SLC4A5: variants seen among roughly 807,000 people sequenced by gnomAD.
The protein encoded by SLC4A5 is solute carrier family 4 member 5, also known as electrogenic sodium bicarbonate cotransporter 4.
In SLC4A5, 96 loss-of-function variants were observed where a neutral mutation model predicts 120.4. The ratio of observed to expected loss-of-function variants is 0.80; its 90% CI spans 0.68 to 0.94. SLC4A5 has a LOEUF of 0.94. Among genes scored for constraint, SLC4A5 ranks in the 40% least tolerant of loss-of-function variants. The pLI, the probability that SLC4A5 is intolerant of heterozygous loss-of-function variation, is 0.00. For missense variants in SLC4A5, 1,259 were observed against 1,459.5 expected (o/e 0.86, Z 2.24); for synonymous variants, 550 against 571.1 (o/e 0.96, Z 0.53).
At chr2:74,337,172 C>T (rs900969808) in intron 3 of SLC4A5, among the ~76,000 whole-genome samples, 2 of 152,188 alleles carry the variant, frequency 1.3e-5, no homozygotes, top group African/African-American at 4.8e-5. Flanking sequence ...AAAGCAGCAT[C>T]CCTCACAATC....
At chr2:74,239,629 T>G in intron 20 of SLC4A5, 94 bp from the exon 21 acceptor site, 3 of 1,269,664 alleles carry the variant, frequency 2.4e-6, no homozygotes, top group Non-Finnish European at 3.4e-6. Context: ...CCAGCATACC[T>G]TCCCACCCTC....
At chr2:74,304,718 A>G (rs1447362494) in intron 6 of SLC4A5, 38 bp from the exon 7 acceptor site, 1 of 1,567,390 alleles carries the variant, frequency 6.4e-7, no homozygotes, top group Admixed American at 1.9e-5. Context: ...AGGCAGGGTT[A>G]CTGAAAATTG....
chr2:74,310,730 T>C (rs1457585826), intron 6 of SLC4A5, among the ~76,000 whole-genome samples: 3 of 152,198 alleles, frequency 2.0e-5, no homozygotes, highest in East Asian at 3.8e-4. Flanking sequence ...TTTTTGCATA[T>C]ATATTCATAA....
chr2:74,221,305 C>T, intron 30 of SLC4A5, 129 bp downstream of exon 30: 1 of 623,900 alleles, frequency 1.6e-6, no homozygotes, highest in South Asian at 2.3e-5. Context: ...CCTTTGACTC[C>T]CAGTTGGGGG....
At chr2:74,307,839 C>A in intron 6 of SLC4A5, 2 of 484,156 alleles carry the variant, frequency 4.1e-6, no homozygotes, top group South Asian at 3.4e-5. Context: ...AGACCCCATG[C>A]CACCCTGGAA....
In SLC4A5 at chr2:74,321,226, C is replaced by T. The variant is rs114558370; in HGVS notation, c.-2-6201G>A. On this transcript the variant is annotated intron_variant, in intron 5 of 30. Transcript: ENST00000394019. ...ATGCCCATTCCCCTTTCTGCTCTGACTTTCTGACTTCTGCTCCAGCCACAG... is the reference window on the plus strand; with the variant it reads ...ATGCCCATTCCCCTTTCTGCTCTGATTTTCTGACTTCTGCTCCAGCCACAG... Among the ~76,000 whole-genome samples, 975 of 152,300 alleles carry T rather than the reference C, an allele frequency of 6.4e-3. 16 individuals carry two copies. The highest frequency in any genetic ancestry group is 0.021 in the African/African-American group (858 of 41,554).
intron 12 of SLC4A5, among the ~76,000 whole-genome samples, chr2:74,257,952 T>C (rs1671021754): frequency 6.6e-6 from 1 of 152,186 alleles, no homozygotes; most frequent in African/African-American, 2.4e-5. Flanking sequence ...CGTTGTGACA[T>C]GTTTGGTAAG....
chr2:74,274,858 G>T (rs1321552840), intron 8 of SLC4A5, among the ~76,000 whole-genome samples: 1 of 152,180 alleles, frequency 6.6e-6, no homozygotes, highest in Non-Finnish European at 1.5e-5. Flanking sequence ...TCACCAAAAA[G>T]TTGCTGAATA....
intron 7 of SLC4A5, among the ~76,000 whole-genome samples, chr2:74,287,315 T>C (rs1672015243): frequency 6.6e-6 from 1 of 152,068 alleles, no homozygotes; most frequent in Non-Finnish European, 1.5e-5. Flanking sequence ...GGCTGGGGGA[T>C]GGCTGGGGTG....
chr2:74,295,627 CCTT>C (rs897288780), intron 7 of SLC4A5, among the ~76,000 whole-genome samples: 1 of 151,960 alleles, frequency 6.6e-6, no homozygotes, highest in African/African-American at 2.4e-5. Context: ...GAGGGAGACT[CCTT>C]CTCAAAAACA....
chr2:74,257,134 C>T (rs1670992326), intron 12 of SLC4A5, among the ~76,000 whole-genome samples: 1 of 152,106 alleles, frequency 6.6e-6, no homozygotes, highest in South Asian at 2.1e-4. Context: ...ACAGCTGTTT[C>T]CCAATTCGAC....
At chr2:74,307,020 A>T (rs1672664834) in intron 6 of SLC4A5, 33 of 586,392 alleles carry the variant, frequency 5.6e-5, no homozygotes, top group South Asian at 5.1e-4. Flanking sequence ...CTCCATCTGC[A>T]GGGTGTAGTG....
At chr2:74,283,776 T>G (rs533200248) in intron 8 of SLC4A5, among the ~76,000 whole-genome samples, 21 of 152,160 alleles carry the variant, frequency 1.4e-4, no homozygotes, top group Admixed American at 3.9e-4. Context: ...AGTGAAAATA[T>G]TTTAGATATT....
chr2:74,302,612 GTCT>G (rs1672506953), intron 7 of SLC4A5, among the ~76,000 whole-genome samples: 1 of 152,188 alleles, frequency 6.6e-6, no homozygotes, highest in Non-Finnish European at 1.5e-5. Context: ...ATGAGACTGC[GTCT>G]CAAAAATATA....
chr2:74,302,595 C>T (rs1281076988), intron 7 of SLC4A5, among the ~76,000 whole-genome samples: 1 of 152,192 alleles, frequency 6.6e-6, no homozygotes, highest in Non-Finnish European at 1.5e-5. Context: ...CTAGCCTGGG[C>T]AACAGAATGA....
At chr2:74,309,709 G>A (rs182637951) in intron 6 of SLC4A5, among the ~76,000 whole-genome samples, 214 of 149,600 alleles carry the variant, frequency 1.4e-3, no homozygotes, top group Non-Finnish European at 1.5e-3. Context: ...AGGCTGAAGT[G>A]TAGTGGCGCC....
chr2:74,333,953 C>A lies in SLC4A5; in HGVS notation c.-70+74G>T, dbSNP rs1439664946. 3.9e-5 allele frequency: 6 copies of A among 152,298 alleles called. No individual in the cohort carries two copies. The East Asian group carries it at 1.2e-3, about 29-fold the overall frequency. 9.4% of individuals were successfully genotyped at this position (152,298 alleles called of 1,614,324 possible). Reference sequence around the variant, plus strand: ...GCCCTTGTTAATGGGACTAAGGATTCATTTGGGGGCCCTGGCAGGCTTATC... The same window carrying A: ...GCCCTTGTTAATGGGACTAAGGATTAATTTGGGGGCCCTGGCAGGCTTATC... On this transcript the variant is annotated intron_variant, in intron 4 of 30. Coordinates refer to ENST00000394019, the Ensembl canonical transcript of SLC4A5.
intron 7 of SLC4A5, 91 bp from the exon 8 acceptor site, chr2:74,285,993 A>C (rs924852158): frequency 2.1e-6 from 3 of 1,396,270 alleles, no homozygotes; most frequent in Non-Finnish European, 2.8e-6. Context: ...GGCAAGCACA[A>C]GGGAAAAGTA....
At chr2:74,260,405 TG>T (rs1159458657) in intron 11 of SLC4A5, among the ~76,000 whole-genome samples, 5 of 152,094 alleles carry the variant, frequency 3.3e-5, no homozygotes, top group Admixed American at 6.6e-5. Context: ...GCCTCTCCGC[TG>T]GTCAATCGCT....
Sources: gnomAD v4.1 joint callset for allele counts (sites outside exome capture counted in the v4.1 genomes callset) on GRCh38, gnomAD v4.1.1 for gene constraint, MANE v1.5 for transcripts, NCBI Gene and HGNC (gene_info 2026-07-23, HGNC 2026-07-21) for gene names.